APBA1: variants seen among roughly 807,000 people sequenced by gnomAD.
APBA1 encodes amyloid-beta A4 precursor protein-binding family A member 1.
APBA1 carries 55 observed loss-of-function variants against 86.6 expected under a neutral mutation model. The ratio of observed to expected loss-of-function variants is 0.64; its 90% confidence interval spans 0.51 to 0.80. APBA1 has a LOEUF of 0.80. APBA1 is among the 30% of genes least tolerant of loss of function. The pLI is 0.00. For missense variants in APBA1, 1,090 were observed against 1,183.0 expected (o/e 0.92, Z 1.15); for synonymous variants, 511 against 493.9 (o/e 1.03, Z -0.46).
intron 1 of APBA1, among the ~76,000 whole-genome samples, chr9:69,538,389 C>G (rs1357411933): frequency 6.6e-6 from 1 of 152,186 alleles, no homozygotes; most frequent in African/African-American, 2.4e-5. Flanking sequence ...ATTTTCCCTA[C>G]TGCATCTGTA....
At chr9:69,580,924 T>C (rs1289162425) in intron 1 of APBA1, among the ~76,000 whole-genome samples, 1 of 152,166 alleles carries the variant, frequency 6.6e-6, no homozygotes, top group Admixed American at 6.5e-5. Context: ...CTGAATTGCT[T>C]TTGAAGGCCC....
intron 1 of APBA1, among the ~76,000 whole-genome samples, chr9:69,601,575 T>A (rs957988315): frequency 6.6e-6 from 1 of 152,246 alleles, no homozygotes; most frequent in East Asian, 1.9e-4. Flanking sequence ...TTTCAAGAGA[T>A]GGCATTAATC....
intron 1 of APBA1, among the ~76,000 whole-genome samples, chr9:69,611,220 A>C (rs1477584561): frequency 6.7e-6 from 1 of 149,490 alleles, no homozygotes; most frequent in Non-Finnish European, 1.5e-5. Flanking sequence ...AGCTCAGAGC[A>C]GTAATATAAG....
At chr9:69,543,278 C>CG (rs1325716813) in intron 1 of APBA1, among the ~76,000 whole-genome samples, 5 of 324 alleles carry the variant, frequency 0.015, no homozygotes, top group African/African-American at 0.034. Context: ...CTGGGATTTC[C>CG]CCCCCCCCCC....
At chr9:69,658,250 T>G (rs940013510) in intron 1 of APBA1, among the ~76,000 whole-genome samples, 1 of 22,504 alleles carries the variant, frequency 4.4e-5, no homozygotes, top group Non-Finnish European at 2.2e-4. Context: ...CTTTCTTTCT[T>G]TCTTTCTTTC....
intron 1 of APBA1, among the ~76,000 whole-genome samples, chr9:69,605,794 A>G (rs1192036317): frequency 6.6e-6 from 1 of 152,204 alleles, no homozygotes; most frequent in Non-Finnish European, 1.5e-5. Flanking sequence ...ATCAAACTGA[A>G]TTTCACTAGT....
At chr9:69,474,649 C>G (rs565852878) in intron 3 of APBA1, among the ~76,000 whole-genome samples, 1 of 152,264 alleles carries the variant, frequency 6.6e-6, no homozygotes, top group African/African-American at 2.4e-5. Context: ...CTCCCAATGG[C>G]CAAGTGTCTG....
chr9:69,666,839 C>T (rs1319907586), intron 1 of APBA1, among the ~76,000 whole-genome samples: 1 of 152,160 alleles, frequency 6.6e-6, no homozygotes, highest in African/African-American at 2.4e-5. Context: ...AAAGGCAACT[C>T]ATTCGATGTC....
At chr9:69,541,256 C>A (rs921021465) in intron 1 of APBA1, among the ~76,000 whole-genome samples, 20 of 148,852 alleles carry the variant, frequency 1.3e-4, no homozygotes, top group Admixed American at 7.4e-4. Context: ...TAGGGACCCC[C>A]CCCCCCATTC....
In APBA1 at chr9:69,467,703, T is replaced by C. The variant is rs576483362; in HGVS notation, c.1482+120A>G. ...CAGGCACATGGATAAGCACTGCCTG[T>C]GTGATGTCATCTCAAACCACTCTCC... On this transcript the variant is annotated intron_variant, in intron 5 of 12. Transcript: ENST00000265381. The C allele has an allele frequency of 8.4e-5, 115 of 1,364,820 alleles. No homozygotes were observed. The African/African-American group carries it at 1.5e-3, about 18-fold the overall frequency. The allele number at this position is 1,364,820 out of a possible 1,614,324, so 84.5% of individuals were successfully genotyped here. A position where few individuals can be genotyped will look rare whatever the true frequency, so the allele number is the denominator to read the frequency against.
At chr9:69,602,778 T>A (rs2133974880) in intron 1 of APBA1, among the ~76,000 whole-genome samples, 1 of 152,154 alleles carries the variant, frequency 6.6e-6, no homozygotes, top group East Asian at 1.9e-4. Context: ...AGGCTATGAG[T>A]CTCCCCAGTG....
chr9:69,505,708 G>C (rs962426488), intron 2 of APBA1, among the ~76,000 whole-genome samples: 17 of 152,184 alleles, frequency 1.1e-4, no homozygotes, highest in Non-Finnish European at 2.2e-4. Flanking sequence ...CAGATCAGTA[G>C]GCTGTGGATT....
At chr9:69,586,833 T>C (rs1245930444) in intron 1 of APBA1, among the ~76,000 whole-genome samples, 1 of 152,146 alleles carries the variant, frequency 6.6e-6, no homozygotes, top group Non-Finnish European at 1.5e-5. Context: ...CCCAAATAAG[T>C]ACTTTTTACT....
intron 1 of APBA1, among the ~76,000 whole-genome samples, chr9:69,574,225 C>T (rs369975284): frequency 8.9e-4 from 136 of 152,238 alleles, no homozygotes; most frequent in African/African-American, 3.1e-3. Flanking sequence ...GGGTCCATAC[C>T]GCCCTGACGA....
At chr9:69,547,144 G>T (rs1409154871) in intron 1 of APBA1, among the ~76,000 whole-genome samples, 1 of 152,156 alleles carries the variant, frequency 6.6e-6, no homozygotes, top group Non-Finnish European at 1.5e-5. Context: ...TAAGAACAGG[G>T]CAACCCCTCT....
At chr9:69,620,355 T>C (rs1262490370) in intron 1 of APBA1, among the ~76,000 whole-genome samples, 1 of 152,018 alleles carries the variant, frequency 6.6e-6, no homozygotes, top group Non-Finnish European at 1.5e-5. Flanking sequence ...GCCAGTGAGG[T>C]TGAGCTTATC....
rs1449975959 is a variant in APBA1, at chr9:69,616,940, G to T, written c.-70+55213C>A. Among the ~76,000 whole-genome samples, 3 of 152,208 alleles carry T rather than the reference G, an allele frequency of 2.0e-5. 1 individual carries two copies. The highest frequency in any genetic ancestry group is 4.4e-5 in the Non-Finnish European group (3 of 68,042). ...GTGGAGCTGGGGAAGGCCATGAAGG[G>T]AGGGACATGCACAAATGCCTGATAA... On this transcript the variant is annotated intron_variant, in intron 1 of 12. Transcript: ENST00000265381.
intron 1 of APBA1, among the ~76,000 whole-genome samples, chr9:69,590,691 C>T (rs1003300115): frequency 2.6e-5 from 4 of 152,134 alleles, no homozygotes; most frequent in Middle Eastern, 3.2e-3. Context: ...GAAAGAGAAC[C>T]GTGCTCTAAT....
intron 4 of APBA1, among the ~76,000 whole-genome samples, chr9:69,469,976 G>A (rs958238561): frequency 3.9e-5 from 6 of 152,158 alleles, no homozygotes; most frequent in Admixed American, 6.5e-5. Flanking sequence ...TATATTCTCT[G>A]ATTTGGCGCT....
Sources: gnomAD v4.1 joint callset for allele counts (sites outside exome capture counted in the v4.1 genomes callset) on GRCh38, gnomAD v4.1.1 for gene constraint, MANE v1.5 for transcripts, NCBI Gene and HGNC (gene_info 2026-07-23, HGNC 2026-07-21) for gene names.